ENOX1: variants seen among roughly 807,000 people sequenced by gnomAD.
ENOX1 encodes the protein ecto-NOX disulfide-thiol exchanger 1, also known as candidate growth-related and time keeping constitutive hydroquinone (NADH) oxidase.
In ENOX1, 42 loss-of-function variants were observed where a neutral mutation model predicts 82.5. That is an observed-to-expected ratio of 0.51 (90% CI 0.40 to 0.66). The LOEUF is 0.66. Among genes scored for constraint, ENOX1 ranks in the 30% least tolerant of loss-of-function variants. The probability of loss-of-function intolerance (pLI) is 0.00; values close to 1 mark genes in which losing one functional copy is unlikely to be tolerated. For missense variants in ENOX1, 608 were observed against 811.6 expected (o/e 0.75, Z 3.05); for synonymous variants, 271 against 282.2 (o/e 0.96, Z 0.40).
At chr13:43,248,061 A>G (rs956441264) in intron 14 of ENOX1, among the ~76,000 whole-genome samples, 1 of 148,020 alleles carries the variant, frequency 6.8e-6, no homozygotes, top group Non-Finnish European at 1.5e-5. Context: ...AATTTTTTGT[A>G]TTTTTAGTAG....
chr13:43,307,360 C>T (rs1262166350), intron 11 of ENOX1, among the ~76,000 whole-genome samples: 1 of 152,130 alleles, frequency 6.6e-6, no homozygotes, highest in African/African-American at 2.4e-5. Context: ...TGGGACTCAT[C>T]CCAGATGTTA....
chr13:43,602,003 C>T (rs1403291803), intron 2 of ENOX1, among the ~76,000 whole-genome samples: 1 of 151,962 alleles, frequency 6.6e-6, no homozygotes, highest in Non-Finnish European at 1.5e-5. Context: ...ACTATACAAA[C>T]ACATGGAAAT....
chr13:43,578,225 T>C (rs2080532092), intron 2 of ENOX1, among the ~76,000 whole-genome samples: 1 of 152,140 alleles, frequency 6.6e-6, no homozygotes, highest in Non-Finnish European at 1.5e-5. Context: ...AGGATATACA[T>C]GACAGTGGAT....
intron 2 of ENOX1, among the ~76,000 whole-genome samples, chr13:43,606,770 C>G (rs1240376485): frequency 6.6e-6 from 1 of 151,940 alleles, no homozygotes; most frequent in East Asian, 1.9e-4. Context: ...AGTCCCAGAA[C>G]TTTGGGAGGC....
At chr13:43,263,508 TC>T (rs1206846235) in intron 14 of ENOX1, among the ~76,000 whole-genome samples, 1 of 152,212 alleles carries the variant, frequency 6.6e-6, no homozygotes, top group Non-Finnish European at 1.5e-5. Flanking sequence ...CTTTACTTTT[TC>T]CATTGAATAA....
chr13:43,353,526 C>A lies in ENOX1; in HGVS notation c.823+2393G>T, dbSNP rs1055262698. ...GTATTGACTGTATTTTATGTCCCCA[C>A]ATCAATGAAATCATCTTCAGGGAAA... is the stretch of plus-strand genomic sequence containing the variant. On this transcript the variant is annotated intron_variant, in intron 8 of 16. Coordinates refer to ENST00000690772, the MANE Select transcript of ENOX1 (RefSeq NM_001347969.2). 3.3e-5 allele frequency among the ~76,000 whole-genome samples: 5 copies of A among 152,174 alleles called. No homozygotes were observed. In the South Asian group the frequency reaches 1.0e-3, roughly 32 times the overall value.
chr13:43,648,318 C>T (rs1294542656), intron 2 of ENOX1, among the ~76,000 whole-genome samples: 1 of 152,162 alleles, frequency 6.6e-6, no homozygotes, highest in Non-Finnish European at 1.5e-5. Flanking sequence ...CTTTGGGCTA[C>T]AGAAAACAAC....
At chr13:43,775,775 C>T (rs1277366746) in intron 1 of ENOX1, among the ~76,000 whole-genome samples, 3 of 152,158 alleles carry the variant, frequency 2.0e-5, no homozygotes, top group Admixed American at 6.5e-5. Context: ...AAACCTCTTT[C>T]CAACAGAGAC....
intron 1 of ENOX1, among the ~76,000 whole-genome samples, chr13:43,715,373 C>T (rs2088043289): frequency 6.6e-6 from 1 of 151,958 alleles, no homozygotes; most frequent in Non-Finnish European, 1.5e-5. Context: ...TTTGGTGAAT[C>T]TGACAATTAT....
At chr13:43,623,692 A>G (rs1057020685) in intron 2 of ENOX1, among the ~76,000 whole-genome samples, 6 of 152,176 alleles carry the variant, frequency 3.9e-5, no homozygotes, top group African/African-American at 4.8e-5. Flanking sequence ...TCACAGTGTG[A>G]GTCCCCGCAC....
At chr13:43,678,301 TAAAC>T (rs1214436733) in intron 1 of ENOX1, among the ~76,000 whole-genome samples, 2 of 152,206 alleles carry the variant, frequency 1.3e-5, no homozygotes, top group African/African-American at 2.4e-5. Flanking sequence ...AATATGATCT[TAAAC>T]TAATGGTACT....
chr13:43,230,670 C>T (rs1452286044), intron 15 of ENOX1, among the ~76,000 whole-genome samples: 2 of 152,084 alleles, frequency 1.3e-5, no homozygotes, highest in African/African-American at 4.8e-5. Context: ...TTAGATTACC[C>T]GGTGGATGAA....
chr13:43,227,435 A>G (rs1403204009), intron 15 of ENOX1, among the ~76,000 whole-genome samples: 3 of 152,266 alleles, frequency 2.0e-5, no homozygotes, highest in Non-Finnish European at 2.9e-5. Flanking sequence ...ATACTTGTTT[A>G]AAAATTCTAT....
intron 1 of ENOX1, among the ~76,000 whole-genome samples, chr13:43,725,828 A>G (rs1484993988): frequency 6.6e-6 from 1 of 151,244 alleles, no homozygotes; most frequent in Non-Finnish European, 1.5e-5. Context: ...GAAGCTAGGC[A>G]TGGTGGTACA....
At chr13:43,250,539 A>G (rs1056416791) in intron 14 of ENOX1, among the ~76,000 whole-genome samples, 30 of 152,212 alleles carry the variant, frequency 2.0e-4, no homozygotes, top group Admixed American at 1.9e-3. Context: ...CTTAAGAACC[A>G]GAGTCTCACA....
chr13:43,529,692 C>T (rs1242640491), intron 2 of ENOX1, among the ~76,000 whole-genome samples: 2 of 151,934 alleles, frequency 1.3e-5, no homozygotes, highest in East Asian at 3.9e-4. Context: ...TGGTACTGTC[C>T]GTGGCTTTAG....
At chr13:43,746,715 T>G (rs184173333) in intron 1 of ENOX1, among the ~76,000 whole-genome samples, 4 of 150,920 alleles carry the variant, frequency 2.7e-5, no homozygotes, top group Admixed American at 6.6e-5. Flanking sequence ...GGTTGAAAAC[T>G]AGTGGGTAAC....
chr13:43,705,896 TTAA>T (rs1214048723), intron 1 of ENOX1, among the ~76,000 whole-genome samples: 1 of 152,200 alleles, frequency 6.6e-6, no homozygotes. Context: ...TGAAAAATAT[TTAA>T]TGAGACAGAC....
chr13:43,228,095 CTTTTTTTTT>C (rs551861545), intron 15 of ENOX1, among the ~76,000 whole-genome samples: 7 of 84,722 alleles, frequency 8.3e-5, no homozygotes, highest in Admixed American at 4.4e-4. Context: ...CTCTTTGCAG[CTTTTTTTTT>C]TTTTTTTTTT....
Sources: gnomAD v4.1 joint callset for allele counts (sites outside exome capture counted in the v4.1 genomes callset) on GRCh38, gnomAD v4.1.1 for gene constraint, MANE v1.5 for transcripts, NCBI Gene and HGNC (gene_info 2026-07-23, HGNC 2026-07-21) for gene names.